The following PLCH1 variants were observed in gnomAD, a reference collection of about 807,000 sequenced individuals.
PLCH1 encodes phospholipase C eta 1.
PLCH1 carries 60 observed loss-of-function variants against 126.7 expected under a neutral mutation model. That is an observed-to-expected ratio of 0.47 (90% confidence interval 0.38 to 0.59). The LOEUF (loss-of-function observed/expected upper bound fraction) is 0.59, where lower values mean the gene tolerates loss of function less well. Among genes scored for constraint, PLCH1 ranks in the 20% least tolerant of loss-of-function variants. PLCH1 has a pLI of 0.00. For synonymous variants in PLCH1, 719 were observed against 734.9 expected (o/e 0.98, Z 0.35); for missense variants, 1,723 against 2,040.0 (o/e 0.84, Z 2.99).
Position 155,451,028 on chromosome 3 carries a change from C to T in PLCH1, c.2938+34328G>A, listed in dbSNP as rs1712295585. On this transcript the variant is annotated intron_variant, in intron 21 of 21. Coordinates refer to the PLCH1 transcript ENST00000494598. ...GTTTAAATATGATTTAAAGAAGATC[C>T]CCTAATGCCCAAATCTATGACAAGT... 4.6e-5 allele frequency among the ~76,000 whole-genome samples: 7 copies of T among 151,638 alleles called. No individual in the cohort carries two copies. The South Asian group carries it at 1.5e-3, about 32-fold the overall frequency.
At chr3:155,530,644 T>A (rs182926185) in intron 10 of PLCH1, among the ~76,000 whole-genome samples, 1 of 152,194 alleles carries the variant, frequency 6.6e-6, no homozygotes, top group Non-Finnish European at 1.5e-5. Context: ...ACTGAAGTCT[T>A]GAACCCCTCA....
At chr3:155,612,019 G>T (rs1735157195) in intron 2 of PLCH1, among the ~76,000 whole-genome samples, 1 of 152,130 alleles carries the variant, frequency 6.6e-6, no homozygotes, top group South Asian at 2.1e-4. Flanking sequence ...TAAAAGCAGT[G>T]TTAAGAGGAA....
intron 1 of PLCH1, among the ~76,000 whole-genome samples, chr3:155,740,796 A>G (rs888212002): frequency 6.6e-6 from 1 of 152,230 alleles, no homozygotes; most frequent in South Asian, 2.1e-4. Flanking sequence ...CTGCGTTGTC[A>G]TCCCCATTCT....
chr3:155,543,350 A>T (rs911102766), intron 10 of PLCH1, among the ~76,000 whole-genome samples: 1 of 152,206 alleles, frequency 6.6e-6, no homozygotes, highest in Non-Finnish European at 1.5e-5. Context: ...AAAGAATAAA[A>T]AGAAATGAAC....
At chr3:155,682,040 A>G (rs1744581904) in intron 2 of PLCH1, among the ~76,000 whole-genome samples, 1 of 152,220 alleles carries the variant, frequency 6.6e-6, no homozygotes, top group African/African-American at 2.4e-5. Flanking sequence ...GGGTAGCACT[A>G]TCCATTATTT....
chr3:155,637,232 A>ATAATATATT (rs1738835248), intron 2 of PLCH1, among the ~76,000 whole-genome samples: 1 of 152,256 alleles, frequency 6.6e-6, no homozygotes, highest in Admixed American at 6.5e-5. Flanking sequence ...ATTAAAAAAT[A>ATAATATATT]AAACTGACTA....
chr3:155,613,052 G>C (rs1334766254), intron 2 of PLCH1, among the ~76,000 whole-genome samples: 3 of 151,968 alleles, frequency 2.0e-5, no homozygotes, highest in Admixed American at 2.0e-4. Flanking sequence ...AAACCTAGAG[G>C]AGATGGATAA....
intron 1 of PLCH1, among the ~76,000 whole-genome samples, chr3:155,706,594 T>C (rs1487492585): frequency 6.7e-6 from 1 of 148,190 alleles, no homozygotes; most frequent in Non-Finnish European, 1.5e-5. Context: ...CACTCCGGCC[T>C]GGGCGACAAA....
intron 2 of PLCH1, among the ~76,000 whole-genome samples, chr3:155,668,299 C>T (rs1189768807): frequency 6.6e-6 from 1 of 152,016 alleles, no homozygotes; most frequent in Non-Finnish European, 1.5e-5. Context: ...CTTACCCGAG[C>T]TTAGAACAAG....
At chr3:155,697,688 C>T (rs1745932344) in intron 2 of PLCH1, among the ~76,000 whole-genome samples, 1 of 152,128 alleles carries the variant, frequency 6.6e-6, no homozygotes, top group African/African-American at 2.4e-5. Context: ...AGGGCAGGAG[C>T]CAGACAGTTG....
chr3:155,554,992 A>C (rs1320860206), intron 8 of PLCH1, among the ~76,000 whole-genome samples: 3 of 152,204 alleles, frequency 2.0e-5, no homozygotes, highest in Non-Finnish European at 2.9e-5. Context: ...TGCCCCTCTG[A>C]CTAAGAATTT....
chr3:155,540,968 A>C (rs1724148946), intron 10 of PLCH1, among the ~76,000 whole-genome samples: 1 of 152,260 alleles, frequency 6.6e-6, no homozygotes, highest in Admixed American at 6.5e-5. Flanking sequence ...TCACAATTGC[A>C]AAGATATGGA....
intron 2 of PLCH1, among the ~76,000 whole-genome samples, chr3:155,617,265 G>A (rs1177764674): frequency 1.3e-5 from 2 of 152,120 alleles, no homozygotes; most frequent in Non-Finnish European, 2.9e-5. Context: ...ATAGGACTCT[G>A]ACAGGCACTC....
chr3:155,637,577 T>C (rs1173317966), intron 2 of PLCH1, among the ~76,000 whole-genome samples: 2 of 152,254 alleles, frequency 1.3e-5, no homozygotes, highest in African/African-American at 4.8e-5. Context: ...ACTTTTGCCC[T>C]TTTGCTATGG....
At chr3:155,614,772 C>T (rs1250841926) in intron 2 of PLCH1, among the ~76,000 whole-genome samples, 1 of 152,106 alleles carries the variant, frequency 6.6e-6, no homozygotes, top group Non-Finnish European at 1.5e-5. Context: ...TCATCTTATA[C>T]AAAAATCAAC....
chr3:155,487,515 C>A (rs948094854), intron 21 of PLCH1, among the ~76,000 whole-genome samples: 1 of 152,156 alleles, frequency 6.6e-6, no homozygotes, highest in Non-Finnish European at 1.5e-5. Context: ...TTTACATGGT[C>A]GCCTTTTCAG....
At chr3:155,541,416 A>G (rs595076) in intron 10 of PLCH1, among the ~76,000 whole-genome samples, 123,634 of 152,124 alleles carry the variant, frequency 0.81, 52,057 homozygotes, top group Middle Eastern at 0.95. Flanking sequence ...AGTAAGAGAC[A>G]TGTGAGTTGC....
rs1238905296 is a variant in PLCH1 at position 155,474,301 on chromosome 3, A to G, written c.2938+11055T>C. On this transcript the variant is annotated intron_variant, in intron 21 of 21. Transcript: ENST00000494598. ...AGACACTTCTCAAAAGAAGACATTT[A>G]TGCAGCCAAAAAACACATGAAAAAA... is the stretch of plus-strand genomic sequence containing the variant. Among the ~76,000 whole-genome samples, 232 of 149,100 alleles carry G rather than the reference A, an allele frequency of 1.6e-3. 1 individual carries two copies. The highest frequency in any genetic ancestry group is 5.4e-3 in the African/African-American group (220 of 40,964).
At chr3:155,560,802 A>T (rs1311178041) in intron 8 of PLCH1, among the ~76,000 whole-genome samples, 1 of 152,054 alleles carries the variant, frequency 6.6e-6, no homozygotes, top group Non-Finnish European at 1.5e-5. Context: ...TCAAAAGACA[A>T]TTCCCTGTGA....
Sources: allele counts gnomAD v4.1 joint callset (sites outside exome capture counted in the v4.1 genomes callset), GRCh38; gene constraint gnomAD v4.1.1; transcripts MANE v1.5; gene names NCBI Gene and HGNC (gene_info 2026-07-23, HGNC 2026-07-21).